AUTS2: variants seen among roughly 807,000 people sequenced by gnomAD.
The protein encoded by AUTS2 is autism susceptibility gene 2 protein.
A neutral mutation model predicts 112.4 loss-of-function variants in AUTS2; 17 were observed. That is an observed-to-expected ratio of 0.15 (90% confidence interval 0.10 to 0.23). The LOEUF is 0.23. Ranked by LOEUF, AUTS2 falls within the 10% of genes least tolerant of loss-of-function variation. The pLI is 1.00. For synonymous variants in AUTS2, 751 were observed against 702.7 expected (o/e 1.07, Z -1.09); for missense variants, 1,510 against 1,701.6 (o/e 0.89, Z 1.98).
intron 2 of AUTS2, among the ~76,000 whole-genome samples, chr7:69,982,643 T>C (rs1584525507): frequency 6.6e-6 from 1 of 152,188 alleles, no homozygotes; most frequent in African/African-American, 2.4e-5. Context: ...GGCCACTTTT[T>C]CCATTGAATG....
intron 2 of AUTS2, among the ~76,000 whole-genome samples, chr7:69,947,278 G>A (rs941175104): frequency 1.3e-5 from 2 of 152,094 alleles, no homozygotes; most frequent in African/African-American, 2.4e-5. Flanking sequence ...AGTGCTTGCC[G>A]ACTTCACAAA....
chr7:69,706,401 G>A (rs1467669096), intron 1 of AUTS2, among the ~76,000 whole-genome samples: 2 of 152,148 alleles, frequency 1.3e-5, no homozygotes, highest in East Asian at 1.9e-4. Context: ...CAGCCGGCCT[G>A]GAGAAGTAAG....
At position 69,599,363 on chromosome 7, in the gene AUTS2, C is replaced by G. The variant is rs1792239875; in HGVS notation, c.-291C>G. The G allele has an allele frequency of 6.0e-6, 2 of 333,124 alleles. No individual in the cohort carries two copies. The highest frequency in any genetic ancestry group is 5.4e-6 in the Non-Finnish European group (1 of 184,512). 20.6% of individuals were successfully genotyped at this position (333,124 alleles called of 1,614,324 possible). On this transcript the variant is annotated 5_prime_UTR_variant, in exon 1 of 19. Transcript: ENST00000342771. This position sits in a 1 kb window ranked among gnomAD's most constrained non-coding sequence, Gnocchi z 7.0. ...TGTTCAGCCATTACTTTGCTCGGCG[C>G]TGCTCCCAGGCATCTCCGACCCTCG...
chr7:70,312,546 G>A (rs1359549164), intron 4 of AUTS2, among the ~76,000 whole-genome samples: 1 of 152,188 alleles, frequency 6.6e-6, no homozygotes, highest in Non-Finnish European at 1.5e-5. Context: ...TGATCTGACA[G>A]GATGTGGGGT....
At chr7:70,075,113 G>A (rs1014685218) in intron 2 of AUTS2, among the ~76,000 whole-genome samples, 1 of 152,160 alleles carries the variant, frequency 6.6e-6, no homozygotes, top group African/African-American at 2.4e-5. Flanking sequence ...TTTGCTTTCA[G>A]CTTCTGCTTA....
chr7:70,512,920 C>T (rs1047184669), intron 5 of AUTS2, among the ~76,000 whole-genome samples: 17 of 151,780 alleles, frequency 1.1e-4, no homozygotes, highest in African/African-American at 1.7e-4. Flanking sequence ...GACAAGTGAG[C>T]GTGGCAGGGA....
At chr7:70,332,421 C>A (rs1483125600) in intron 4 of AUTS2, among the ~76,000 whole-genome samples, 1 of 152,154 alleles carries the variant, frequency 6.6e-6, no homozygotes, top group Non-Finnish European at 1.5e-5. Flanking sequence ...TTATCCCTAT[C>A]AAGCTACCAT....
At chr7:70,264,537 T>C (rs1332227788) in intron 4 of AUTS2, among the ~76,000 whole-genome samples, 1 of 152,200 alleles carries the variant, frequency 6.6e-6, no homozygotes, top group Non-Finnish European at 1.5e-5. Flanking sequence ...AGTGGTTTTT[T>C]ATTATGGGTC....
chr7:70,743,603 T>G (rs1788255308), intron 6 of AUTS2, among the ~76,000 whole-genome samples: 1 of 152,210 alleles, frequency 6.6e-6, no homozygotes, highest in Admixed American at 6.5e-5. Flanking sequence ...CCAAAAAGAT[T>G]TAAGCATTTG....
intron 4 of AUTS2, among the ~76,000 whole-genome samples, chr7:70,409,529 C>T (rs1040119888): frequency 2.6e-5 from 4 of 152,036 alleles, no homozygotes; most frequent in African/African-American, 9.7e-5. Context: ...GTGTGCATTC[C>T]GACAGTGTCT....
chr7:69,619,525 G>A (rs1182301330), intron 1 of AUTS2, among the ~76,000 whole-genome samples: 1 of 152,158 alleles, frequency 6.6e-6, no homozygotes, highest in Admixed American at 6.5e-5. Context: ...TATGTGGTAA[G>A]ATGTACAAAT....
chr7:70,434,092 T>G (rs1437518941), intron 4 of AUTS2, among the ~76,000 whole-genome samples: 2 of 152,198 alleles, frequency 1.3e-5, no homozygotes, highest in Non-Finnish European at 2.9e-5. Flanking sequence ...GACATCACGT[T>G]CTTATACACT....
At chr7:69,717,430 G>A (rs1395891365) in intron 1 of AUTS2, among the ~76,000 whole-genome samples, 2 of 152,134 alleles carry the variant, frequency 1.3e-5, no homozygotes, top group Non-Finnish European at 2.9e-5. Flanking sequence ...TGTGTTTGTG[G>A]CCCTGTGTGG....
intron 5 of AUTS2, among the ~76,000 whole-genome samples, chr7:70,533,887 G>A (rs943301858): frequency 9.2e-5 from 14 of 152,162 alleles, no homozygotes; most frequent in Admixed American, 4.6e-4. Flanking sequence ...TTGGCACCAT[G>A]CAGCAGTGGG....
chr7:70,356,328 G>C (rs1227004198), intron 4 of AUTS2, among the ~76,000 whole-genome samples: 1 of 151,788 alleles, frequency 6.6e-6, no homozygotes, highest in Non-Finnish European at 1.5e-5. Context: ...GAAGTACTAG[G>C]GGATGTGTGT....
intron 2 of AUTS2, among the ~76,000 whole-genome samples, chr7:70,105,093 C>T (rs1022819065): frequency 6.6e-6 from 1 of 152,194 alleles, no homozygotes; most frequent in Non-Finnish European, 1.5e-5. Context: ...ATACAGACTA[C>T]TGCTGGCATG....
At chr7:69,727,841 A>G (rs1786592013) in intron 1 of AUTS2, among the ~76,000 whole-genome samples, 1 of 152,142 alleles carries the variant, frequency 6.6e-6, no homozygotes, top group Non-Finnish European at 1.5e-5. Context: ...TTAGAATCAA[A>G]TTGTCCAGTT....
At chr7:70,439,827 T>C (rs1361163021) in intron 5 of AUTS2, among the ~76,000 whole-genome samples, 1 of 152,170 alleles carries the variant, frequency 6.6e-6, no homozygotes, top group Non-Finnish European at 1.5e-5. Context: ...TGCTAAGAAA[T>C]ATCCCGTTTG....
intron 1 of AUTS2, among the ~76,000 whole-genome samples, chr7:69,894,634 A>C (rs996080837): frequency 4.6e-5 from 7 of 152,056 alleles, no homozygotes; most frequent in African/African-American, 1.7e-4. Context: ...GAAACGAGAA[A>C]ATTTCTTCTT....
Sources: allele counts gnomAD v4.1 joint callset (sites outside exome capture counted in the v4.1 genomes callset), GRCh38; gene constraint gnomAD v4.1.1; non-coding constraint Gnocchi (gnomAD v3.1); transcripts MANE v1.5; gene names NCBI Gene and HGNC (gene_info 2026-07-23, HGNC 2026-07-21).